IL1RAPL1: variants seen among roughly 807,000 people sequenced by gnomAD.
The protein encoded by IL1RAPL1 is interleukin-1 receptor accessory protein-like 1.
A neutral mutation model predicts 48.4 loss-of-function variants in IL1RAPL1; 3 were observed. That is an observed-to-expected ratio of 0.06 (90% confidence interval 0.03 to 0.16). IL1RAPL1 has a LOEUF of 0.16. Ranked by LOEUF, IL1RAPL1 falls within the 10% of genes least tolerant of loss-of-function variation. IL1RAPL1 has a pLI of 1.00. For synonymous variants in IL1RAPL1, 185 were observed against 187.7 expected (o/e 0.99, Z 0.12); for missense variants, 349 against 530.6 (o/e 0.66, Z 3.36).
chrX:29,913,291 T>A (rs1334802730), intron 6 of IL1RAPL1, among the ~76,000 whole-genome samples: 2 of 110,492 alleles, frequency 1.8e-5, no homozygotes, highest in African/African-American at 3.3e-5. Flanking sequence ...GAAAAGCCTC[T>A]TCACAGAACA....
At chrX:29,325,637 A>G (rs1932837683) in intron 3 of IL1RAPL1, among the ~76,000 whole-genome samples, 1 of 112,460 alleles carries the variant, frequency 8.9e-6, no homozygotes, top group Admixed American at 9.5e-5. Flanking sequence ...ATTATTTGCA[A>G]GAATACTGAT....
chrX:29,383,137 T>C (rs769628788), intron 3 of IL1RAPL1, among the ~76,000 whole-genome samples: 38 of 112,289 alleles, frequency 3.4e-4, no homozygotes, highest in Non-Finnish European at 6.0e-4. Context: ...ATCTGAGTGC[T>C]AATACATCAC....
At chrX:29,715,584 G>T (rs960201629) in intron 6 of IL1RAPL1, among the ~76,000 whole-genome samples, 4 of 111,426 alleles carry the variant, frequency 3.6e-5, no homozygotes, top group Non-Finnish European at 3.8e-5. Context: ...TTTGAAAGCT[G>T]CCTAGTGGGA....
chrX:29,729,481 C>T (rs1601798387), intron 6 of IL1RAPL1, among the ~76,000 whole-genome samples: 1 of 111,090 alleles, frequency 9.0e-6, no homozygotes, highest in East Asian at 2.8e-4. Flanking sequence ...CTTCAGTGAT[C>T]CTGATTTCAC....
chrX:29,895,408 G>A (rs193215201), intron 6 of IL1RAPL1, among the ~76,000 whole-genome samples: 6 of 110,651 alleles, frequency 5.4e-5, no homozygotes, highest in South Asian at 4.0e-4. Flanking sequence ...AAAATTAGCC[G>A]GGGTGTGGTG....
At position 28,635,193 on chromosome X, in the gene IL1RAPL1, G is replaced by T. The variant is rs187159004; in HGVS notation, c.-25+47146G>T. 1.6e-3 allele frequency among the ~76,000 whole-genome samples: 184 copies of T among 112,062 alleles called. 1 individual carries two copies. Among genetic ancestry groups the T allele is most frequent in the African/African-American group, 5.7e-3 (177 of 30,830 alleles). On this transcript the variant is annotated intron_variant, in intron 1 of 10. Transcript: ENST00000378993. The stretch of plus-strand genomic sequence containing the variant: ...ACTGGCACAAAATGTGAGTACTCTG[G>T]CTACTGTTTTTGCTGTGAGTAATGT...
intron 2 of IL1RAPL1, among the ~76,000 whole-genome samples, chrX:28,836,706 G>A (rs1203632695): frequency 1.8e-5 from 2 of 110,112 alleles, no homozygotes; most frequent in Non-Finnish European, 3.8e-5. Flanking sequence ...GTTTCCTAAT[G>A]CGGGATTTAA....
intron 6 of IL1RAPL1, among the ~76,000 whole-genome samples, chrX:29,756,680 C>T (rs771408132): frequency 1.7e-4 from 19 of 111,635 alleles, no homozygotes; most frequent in South Asian, 3.7e-4. Context: ...CCCAAAGTGC[C>T]GGGATTACAG....
intron 1 of IL1RAPL1, among the ~76,000 whole-genome samples, chrX:28,653,906 T>C: frequency 8.9e-6 from 1 of 111,822 alleles, no homozygotes; most frequent in Middle Eastern, 4.6e-3. Flanking sequence ...TTGGATCTCA[T>C]TTGATTATGT....
chrX:28,875,583 A>G (rs1291101881), intron 2 of IL1RAPL1, among the ~76,000 whole-genome samples: 2 of 111,685 alleles, frequency 1.8e-5, no homozygotes, highest in East Asian at 5.6e-4. Flanking sequence ...GATCTCCAAT[A>G]TTGGAGATGG....
chrX:28,822,683 A>T (rs926014183), intron 2 of IL1RAPL1, among the ~76,000 whole-genome samples: 1 of 111,774 alleles, frequency 8.9e-6, no homozygotes, highest in Non-Finnish European at 1.9e-5. Context: ...TAGATGAGAT[A>T]AAAATTCTCA....
chrX:29,015,196 C>T (rs776833071), intron 2 of IL1RAPL1, among the ~76,000 whole-genome samples: 1 of 111,016 alleles, frequency 9.0e-6, no homozygotes, highest in Non-Finnish European at 1.9e-5. Flanking sequence ...GTATGAATAA[C>T]TGAAGTATTT....
intron 2 of IL1RAPL1, among the ~76,000 whole-genome samples, chrX:29,099,926 G>C (rs1043615952): frequency 4.5e-5 from 5 of 111,201 alleles, no homozygotes; most frequent in Middle Eastern, 4.6e-3. Flanking sequence ...TCAGTATTAT[G>C]TATTAGGCCG....
chrX:29,861,523 G>A (rs183986972), intron 6 of IL1RAPL1, among the ~76,000 whole-genome samples: 187 of 111,080 alleles, frequency 1.7e-3, no homozygotes, highest in African/African-American at 5.9e-3. Flanking sequence ...CTAACTAGCT[G>A]ATCCTGGTAA....
chrX:28,592,367 G>T (rs1933914787), intron 1 of IL1RAPL1, among the ~76,000 whole-genome samples: 4 of 111,468 alleles, frequency 3.6e-5, no homozygotes, highest in South Asian at 7.5e-4. Flanking sequence ...ACCAGAAAGT[G>T]ACTCTTGTCT....
chrX:29,885,696 G>A (rs188474664), intron 6 of IL1RAPL1, among the ~76,000 whole-genome samples: 12 of 111,384 alleles, frequency 1.1e-4, no homozygotes, highest in Non-Finnish European at 1.3e-4. Flanking sequence ...GCATGCACCC[G>A]TAGTCCGAGC....
At chrX:29,217,942 T>G (rs1031754445) in intron 2 of IL1RAPL1, among the ~76,000 whole-genome samples, 3 of 111,333 alleles carry the variant, frequency 2.7e-5, no homozygotes, top group Non-Finnish European at 5.7e-5. Flanking sequence ...TTGTTTTTCC[T>G]TATATCCTAT....
At chrX:28,647,265 C>T (rs1020264599) in intron 1 of IL1RAPL1, among the ~76,000 whole-genome samples, 1 of 111,888 alleles carries the variant, frequency 8.9e-6, no homozygotes, top group Non-Finnish European at 1.9e-5. Context: ...ATACAATCTT[C>T]CAGAAACTTC....
intron 2 of IL1RAPL1, among the ~76,000 whole-genome samples, chrX:29,156,872 C>T (rs1929580973): frequency 8.9e-6 from 1 of 111,749 alleles, no homozygotes; most frequent in Non-Finnish European, 1.9e-5. Flanking sequence ...ACCAAAGATC[C>T]AATTTTAACA....
Sources: gnomAD v4.1 joint callset for allele counts (sites outside exome capture counted in the v4.1 genomes callset) on GRCh38, gnomAD v4.1.1 for gene constraint, MANE v1.5 for transcripts, NCBI Gene and HGNC (gene_info 2026-07-23, HGNC 2026-07-21) for gene names.